Variants in PACRG observed in about 807,000 individuals in gnomAD.
PACRG encodes parkin coregulated gene protein.
Under a neutral mutation model 29.7 loss-of-function variants are expected in PACRG, and 29 were observed. The ratio of observed to expected loss-of-function variants is 0.98; its 90% CI spans 0.73 to 1.33. The LOEUF (loss-of-function observed/expected upper bound fraction) is 1.33, where lower values mean the gene tolerates loss of function less well. PACRG is among the 40% of genes most tolerant of loss of function. PACRG has a pLI of 0.00. For synonymous variants in PACRG, 116 were observed against 118.7 expected, an observed-to-expected ratio of 0.98 and a Z score of 0.15; for missense variants, 279 against 316.2, an observed-to-expected ratio of 0.88 and a Z score of 0.89.
At chr6:162,948,774 G>A (rs1223328663) in intron 2 of PACRG, among the ~76,000 whole-genome samples, 1 of 151,908 alleles carries the variant, frequency 6.6e-6, no homozygotes, top group African/African-American at 2.4e-5. Context: ...TGGCCAAGAA[G>A]TATATAAAAA....
At chr6:163,121,511 C>T (rs572487776) in intron 4 of PACRG, among the ~76,000 whole-genome samples, 13 of 152,216 alleles carry the variant, frequency 8.5e-5, no homozygotes, top group African/African-American at 2.4e-4. Flanking sequence ...CACTTCCAGC[C>T]GATCCAGGAC....
At chr6:163,050,911 C>G (rs1809938358) in intron 2 of PACRG, among the ~76,000 whole-genome samples, 2 of 152,068 alleles carry the variant, frequency 1.3e-5, no homozygotes, top group Admixed American at 6.6e-5. Flanking sequence ...ATGAAAAATT[C>G]CCAGTCATTG....
chr6:163,041,285 C>T lies in PACRG; in HGVS notation c.292-20865C>T, dbSNP rs192055401. On this transcript the variant is annotated intron_variant, in intron 2 of 4. Transcript: ENST00000366888. Reference sequence around the variant, plus strand: ...CTGGGAGGCGGAGCTTGCAGTGAACCGAGATCGTGCCACTGCACTCCAGCC... The same window carrying T: ...CTGGGAGGCGGAGCTTGCAGTGAACTGAGATCGTGCCACTGCACTCCAGCC... Among the ~76,000 whole-genome samples the T allele has an allele frequency of 2.6e-3, 400 of 151,960 alleles. 1 individual carries two copies. Among genetic ancestry groups the T allele is most frequent in the Non-Finnish European group, 4.4e-3 (299 of 67,972 alleles).
At chr6:162,767,311 T>C (rs966378861) in intron 1 of PACRG, among the ~76,000 whole-genome samples, 4 of 151,964 alleles carry the variant, frequency 2.6e-5, no homozygotes, top group Non-Finnish European at 4.4e-5. Flanking sequence ...TCAGTTGTTA[T>C]ATATTTTTAT....
chr6:162,916,133 A>T lies in PACRG; in HGVS notation c.291+101852A>T, dbSNP rs74685646. ...AATCTGGAAATGTCATTTTGACTTCATTCTTGAAGGATATTTTCATTGAAC... is the reference window on the plus strand; with the variant it reads ...AATCTGGAAATGTCATTTTGACTTCTTTCTTGAAGGATATTTTCATTGAAC... On this transcript the variant is annotated intron_variant, in intron 2 of 4. Transcript: ENST00000366888. Among the ~76,000 whole-genome samples the T allele has an allele frequency of 6.5e-3, 994 of 152,182 alleles. 10 individuals are homozygous for T. Among genetic ancestry groups the T allele is most frequent in the African/African-American group, 0.021 (879 of 41,542 alleles).
At chr6:163,027,907 C>T (rs1261110842) in intron 2 of PACRG, among the ~76,000 whole-genome samples, 1 of 152,288 alleles carries the variant, frequency 6.6e-6, no homozygotes, top group East Asian at 1.9e-4. Context: ...TAATAAGGGG[C>T]CAGGACTCTC....
chr6:162,793,671 G>C lies in PACRG; in HGVS notation c.157-20476G>C, dbSNP rs1514342. Among the ~76,000 whole-genome samples, 982 of 152,290 alleles carry C rather than the reference G, an allele frequency of 6.4e-3. 20 individuals are homozygous for C. The highest frequency in any genetic ancestry group is 0.023 in the African/African-American group (948 of 41,550). On this transcript the variant is annotated intron_variant, in intron 1 of 4. Coordinates refer to ENST00000366888, the MANE Select transcript of PACRG (RefSeq NM_001080379.2). ...TATTAATTGAACCATCATTTGGGTG[G>C]CAATGTGTCAGGCTATGGAATTTAA...
At chr6:162,751,888 T>C (rs1781539086) in intron 1 of PACRG, among the ~76,000 whole-genome samples, 1 of 152,214 alleles carries the variant, frequency 6.6e-6, no homozygotes, top group Non-Finnish European at 1.5e-5. Context: ...CACTGCTTTG[T>C]GGTCAGTATT....
intron 4 of PACRG, among the ~76,000 whole-genome samples, chr6:163,157,570 C>T (rs1420882151): frequency 1.3e-5 from 2 of 152,158 alleles, no homozygotes; most frequent in South Asian, 2.1e-4. Flanking sequence ...GGCAGATGAA[C>T]GCACATTAGG....
chr6:162,933,601 C>CTTTTTTTTT (rs71008119), intron 2 of PACRG, among the ~76,000 whole-genome samples: 69 of 74,590 alleles, frequency 9.3e-4, no homozygotes, highest in East Asian at 1.5e-3. Context: ...CTTTCTGTAT[C>CTTTTTTTTT]TTTTTTTTTT....
intron 4 of PACRG, among the ~76,000 whole-genome samples, chr6:163,277,486 T>TATATATATATATATAC (rs751334925): frequency 7.0e-5 from 6 of 85,530 alleles, no homozygotes; most frequent in Non-Finnish European, 1.2e-4. Context: ...TATGTGTGTA[T>TATATATATATATATAC]ATATATATAC....
At chr6:162,881,114 A>G (rs1584637932) in intron 2 of PACRG, among the ~76,000 whole-genome samples, 1 of 152,310 alleles carries the variant, frequency 6.6e-6, no homozygotes, top group African/African-American at 2.4e-5. Flanking sequence ...CTGTGTATGG[A>G]CCACAGGCTC....
intron 4 of PACRG, among the ~76,000 whole-genome samples, chr6:163,174,882 G>A (rs532202495): frequency 4.6e-5 from 7 of 152,058 alleles, no homozygotes; most frequent in African/African-American, 9.6e-5. Flanking sequence ...CACAGCACAC[G>A]TAAATAAATA....
intron 1 of PACRG, among the ~76,000 whole-genome samples, chr6:162,746,587 G>T (rs1365895467): frequency 6.6e-6 from 1 of 152,074 alleles, no homozygotes; most frequent in Non-Finnish European, 1.5e-5. Context: ...GTCATTATTA[G>T]GAGTAAATAT....
intron 3 of PACRG, among the ~76,000 whole-genome samples, chr6:163,084,984 C>A (rs184084221): frequency 1.3e-5 from 2 of 151,556 alleles, no homozygotes; most frequent in Non-Finnish European, 1.5e-5. Flanking sequence ...CAACCTTCGG[C>A]GGGCACACAC....
At chr6:163,069,632 A>C (rs59422284) in intron 3 of PACRG, among the ~76,000 whole-genome samples, 16 of 133,030 alleles carry the variant, frequency 1.2e-4, no homozygotes, top group East Asian at 9.3e-4. Flanking sequence ...AAAAAAGAAT[A>C]TAAAATAATG....
chr6:162,761,439 A>G (rs1269696765), intron 1 of PACRG, among the ~76,000 whole-genome samples: 1 of 152,180 alleles, frequency 6.6e-6, no homozygotes, highest in African/African-American at 2.4e-5. Context: ...GGAGTATTCT[A>G]TTCCCTTTAG....
intron 4 of PACRG, chr6:163,184,771 T>G (rs1255439153): frequency 6.6e-6 from 1 of 152,026 alleles, no homozygotes; most frequent in East Asian, 1.9e-4. Context: ...GGCATTAATA[T>G]AAAGAAACCT....
chr6:163,195,733 G>A (rs1203053141), intron 4 of PACRG, among the ~76,000 whole-genome samples: 1 of 152,154 alleles, frequency 6.6e-6, no homozygotes, highest in Non-Finnish European at 1.5e-5. Context: ...CCGGGAAATG[G>A]AGATTCTGCG....
Sources: allele counts gnomAD v4.1 joint callset (sites outside exome capture counted in the v4.1 genomes callset), GRCh38; gene constraint gnomAD v4.1.1; transcripts MANE v1.5; gene names NCBI Gene and HGNC (gene_info 2026-07-23, HGNC 2026-07-21).